Variants in SHROOM2 observed in about 807,000 individuals in gnomAD.
SHROOM2 encodes shroom family member 2, also known as protein Shroom2.
SHROOM2 carries 33 observed loss-of-function variants against 75.9 expected under a neutral mutation model. The ratio of observed to expected loss-of-function variants is 0.43; its 90% CI spans 0.33 to 0.58. The LOEUF (loss-of-function observed/expected upper bound fraction) is 0.58. Among genes scored for constraint, SHROOM2 ranks in the 20% least tolerant of loss-of-function variants. The pLI is 0.04. For synonymous variants in SHROOM2, 655 were observed against 663.6 expected, an observed-to-expected ratio of 0.99 and a Z score of 0.20; for missense variants, 1,434 against 1,461.2, an observed-to-expected ratio of 0.98 and a Z score of 0.30.
intron 1 of SHROOM2, among the ~76,000 whole-genome samples, chrX:9,845,201 C>T (rs2083999725): frequency 8.9e-6 from 1 of 112,140 alleles, no homozygotes; most frequent in Non-Finnish European, 1.9e-5. Context: ...TGTAGTTGGC[C>T]GACCCTTACT....
At chrX:9,787,361 T>G (rs907009019) in intron 1 of SHROOM2, among the ~76,000 whole-genome samples, 1 of 111,977 alleles carries the variant, frequency 8.9e-6, no homozygotes, top group African/African-American at 3.2e-5. Context: ...TGTGGTTTGC[T>G]TTAGAACATT....
intron 2 of SHROOM2, among the ~76,000 whole-genome samples, chrX:9,888,934 T>A (rs1403482479): frequency 8.9e-6 from 1 of 112,263 alleles, no homozygotes; most frequent in African/African-American, 3.2e-5. Flanking sequence ...ACGTTTTCTT[T>A]TCCTAGCCTT....
In SHROOM2 at chrX:9,895,164, T is replaced by C. The variant is rs1186852204; in HGVS notation, c.1256T>C (p.Phe419Ser). 8.3e-7 allele frequency: 1 copy of C among 1,211,466 alleles called. No homozygotes were observed. Among genetic ancestry groups the C allele is most frequent in the Non-Finnish European group, 1.1e-6 (1 of 895,461 alleles). ...QASLSSSDVR[F>S]PQSPHSGRHP... is the part of the protein sequence containing the mutation. ...TCTCTGTCCAGCTCAGATGTGCGCTTCCCTCAGTCTCCTCATAGCGGCCGA... is the reference window on the plus strand; with the variant it reads ...TCTCTGTCCAGCTCAGATGTGCGCTCCCCTCAGTCTCCTCATAGCGGCCGA... Residue 419 changes from phenylalanine (F) to serine (S), a missense_variant, in exon 4 of 10, where the codon TTC becomes TCC. Phe to Ser is a radical substitution (Grantham distance 155). Coordinates refer to ENST00000380913, the MANE Select transcript of SHROOM2 (RefSeq NM_001649.4).
chrX:9,939,261 G>A lies in SHROOM2; in HGVS notation c.4206G>A (p.Ser1402=), dbSNP rs140758778. ...LATNSTYYST[S]APKAELLIKM... ...CCAATTCTACCTACTACAGCACGTC[G>A]GCCCCCAAGGCGGAGCTGCTGATCA... is the stretch of plus-strand genomic sequence containing the variant. Residue 1402 remains serine (S), a synonymous_variant, in exon 8 of 10, where the codon TCG becomes TCA. Transcript: ENST00000380913. 18 of 1,208,308 alleles carry A rather than the reference G, an allele frequency of 1.5e-5. No individual in the cohort carries two copies. The highest frequency in any genetic ancestry group is 1.4e-4 in the African/African-American group (8 of 57,318).
At chrX:9,911,324 G>C (rs1277368246) in intron 5 of SHROOM2, among the ~76,000 whole-genome samples, 2 of 111,902 alleles carry the variant, frequency 1.8e-5, no homozygotes, top group African/African-American at 6.5e-5. Flanking sequence ...TAACATTAAT[G>C]AATCAGCACA....
At chrX:9,898,591 A>G (rs1298999671) in intron 5 of SHROOM2, among the ~76,000 whole-genome samples, 2 of 112,029 alleles carry the variant, frequency 1.8e-5, no homozygotes, top group Non-Finnish European at 3.8e-5. Flanking sequence ...TTATGGAGAC[A>G]TAATGAGAAG....
At chrX:9,816,063 G>A (rs141184171) in intron 1 of SHROOM2, among the ~76,000 whole-genome samples, 69 of 112,321 alleles carry the variant, frequency 6.1e-4, no homozygotes, top group African/African-American at 2.2e-3. Flanking sequence ...ATTTGTGTCT[G>A]GTTTATCTCA....
intron 9 of SHROOM2, among the ~76,000 whole-genome samples, chrX:9,946,116 G>A (rs1408614496): frequency 8.9e-6 from 1 of 112,920 alleles, no homozygotes; most frequent in Non-Finnish European, 1.9e-5. Flanking sequence ...GCTGCTGGCC[G>A]ACACCCGTGC....
chrX:9,914,074 C>A (rs1243689632), intron 5 of SHROOM2, among the ~76,000 whole-genome samples: 2 of 86,148 alleles, frequency 2.3e-5, no homozygotes, highest in African/African-American at 4.2e-5. Context: ...CCTGCCCCCC[C>A]GCCCCTCCCG....
At chrX:9,910,114 A>C (rs747192028) in intron 5 of SHROOM2, among the ~76,000 whole-genome samples, 2 of 110,933 alleles carry the variant, frequency 1.8e-5, no homozygotes, top group East Asian at 5.7e-4. Flanking sequence ...GGTGGGGGGC[A>C]CAAGTGTTCA....
intron 5 of SHROOM2, among the ~76,000 whole-genome samples, chrX:9,921,105 T>C (rs763663960): frequency 1.8e-5 from 2 of 111,248 alleles, no homozygotes; most frequent in African/African-American, 6.5e-5. Context: ...CCCATATGTC[T>C]GTTGGCAGGA....
At chrX:9,800,718 A>C (rs2083719601) in intron 1 of SHROOM2, among the ~76,000 whole-genome samples, 1 of 109,143 alleles carries the variant, frequency 9.2e-6, no homozygotes, top group Admixed American at 9.8e-5. Context: ...TGGTGTAATG[A>C]TAAATCACTG....
intron 3 of SHROOM2, among the ~76,000 whole-genome samples, chrX:9,893,532 C>T (rs1294354544): frequency 1.8e-5 from 2 of 112,107 alleles, no homozygotes; most frequent in East Asian, 5.6e-4. Context: ...ACAGACACTA[C>T]GCAGACACAT....
At chrX:9,893,486 G>A in intron 3 of SHROOM2, among the ~76,000 whole-genome samples, 1 of 111,866 alleles carries the variant, frequency 8.9e-6, no homozygotes, top group East Asian at 2.8e-4. Flanking sequence ...CTCTGTTGCA[G>A]TTACTCAGCT....
intron 5 of SHROOM2, among the ~76,000 whole-genome samples, chrX:9,905,033 T>G (rs1034008780): frequency 1.8e-5 from 2 of 111,100 alleles, no homozygotes; most frequent in African/African-American, 6.5e-5. Context: ...ACAAAAAAAG[T>G]TTTTGTAGAG....
At chrX:9,808,107 C>A (rs185360623) in intron 1 of SHROOM2, among the ~76,000 whole-genome samples, 4 of 111,503 alleles carry the variant, frequency 3.6e-5, no homozygotes, top group Non-Finnish European at 7.5e-5. Context: ...GCATTCCGAT[C>A]TCCGGTGTTT....
chrX:9,810,314 G>A (rs2083785395), intron 1 of SHROOM2, among the ~76,000 whole-genome samples: 1 of 110,959 alleles, frequency 9.0e-6, no homozygotes, highest in Admixed American at 9.6e-5. Context: ...CTGTTGTAGT[G>A]TCCCCTTGAC....
chrX:9,796,689 GGCTGGAGTGCGGTGGTGTGATCACGGTTC>G (rs2083696915), intron 1 of SHROOM2, among the ~76,000 whole-genome samples: 1 of 110,576 alleles, frequency 9.0e-6, no homozygotes, highest in Non-Finnish European at 1.9e-5. Flanking sequence ...CTGTCATTCA[GGCTGGAGTGCGGTGGTGTGATCACGGTTC>G]ACTGCAACCT....
At chrX:9,885,502 C>G (rs2084256123) in intron 2 of SHROOM2, among the ~76,000 whole-genome samples, 2 of 111,133 alleles carry the variant, frequency 1.8e-5, no homozygotes, top group African/African-American at 6.6e-5. Flanking sequence ...CCGGCTTGAT[C>G]CCCAAATACA....
Sources: allele counts gnomAD v4.1 joint callset (sites outside exome capture counted in the v4.1 genomes callset), GRCh38; gene constraint gnomAD v4.1.1; transcripts MANE v1.5; gene names NCBI Gene and HGNC (gene_info 2026-07-23, HGNC 2026-07-21).